NTRK2: variants seen among roughly 807,000 people sequenced by gnomAD.
NTRK2 encodes neurotrophic receptor tyrosine kinase 2.
In NTRK2, 13 loss-of-function variants were observed where a neutral mutation model predicts 94.5. The observed-to-expected ratio is 0.14, with a 90% CI of 0.09 to 0.22. The LOEUF is 0.22. NTRK2 is among the 10% of genes least tolerant of loss of function. NTRK2 has a pLI of 1.00. For missense variants in NTRK2, 639 were observed against 1,071.2 expected, an observed-to-expected ratio of 0.60 and a Z score of 5.63; for synonymous variants, 372 against 407.4, an observed-to-expected ratio of 0.91 and a Z score of 1.05.
At chr9:84,752,764 C>A (rs575505783) in intron 12 of NTRK2, among the ~76,000 whole-genome samples, 1 of 152,038 alleles carries the variant, frequency 6.6e-6, no homozygotes, top group Admixed American at 6.6e-5. Flanking sequence ...TGCCTTGGAG[C>A]AGTGATTTAA....
intron 17 of NTRK2, among the ~76,000 whole-genome samples, chr9:85,003,104 T>C (rs1830503924): frequency 6.6e-6 from 1 of 152,232 alleles, no homozygotes; most frequent in Non-Finnish European, 1.5e-5. Context: ...CCTATGGTTT[T>C]CCTTTAGAGT....
chr9:84,962,066 G>A (rs2133055243), intron 17 of NTRK2, among the ~76,000 whole-genome samples: 1 of 152,298 alleles, frequency 6.6e-6, no homozygotes, highest in Admixed American at 6.5e-5. Context: ...TTTTTGCCAT[G>A]CCAAAGACTT....
chr9:84,782,544 G>A (rs1398877883), intron 12 of NTRK2, among the ~76,000 whole-genome samples: 2 of 152,044 alleles, frequency 1.3e-5, no homozygotes, highest in Non-Finnish European at 1.5e-5. Context: ...CTTTGGAAAT[G>A]AAAAAAACAA....
At chr9:84,887,368 G>A (rs1308494117) in intron 14 of NTRK2, among the ~76,000 whole-genome samples, 1 of 152,100 alleles carries the variant, frequency 6.6e-6, no homozygotes, top group African/African-American at 2.4e-5. Context: ...TCTTCCATCA[G>A]CTTTTGTCCT....
At chr9:84,929,637 C>T (rs2077953046) in intron 14 of NTRK2, among the ~76,000 whole-genome samples, 1 of 151,858 alleles carries the variant, frequency 6.6e-6, no homozygotes, top group Non-Finnish European at 1.5e-5. Context: ...TCCCTGCTCA[C>T]TGCAACCTCT....
chr9:84,716,565 A>G (rs556751761), intron 6 of NTRK2, among the ~76,000 whole-genome samples: 3 of 152,200 alleles, frequency 2.0e-5, no homozygotes, highest in South Asian at 4.1e-4. Context: ...TGGAAGTTAG[A>G]GTGATATGAA....
intron 17 of NTRK2, among the ~76,000 whole-genome samples, chr9:84,998,396 T>G (rs1020435840): frequency 2.0e-4 from 30 of 152,124 alleles, no homozygotes; most frequent in Non-Finnish European, 3.5e-4. Context: ...CCGGCCCAGG[T>G]CTAAATCCCA....
At position 84,678,849 on chromosome 9, in the gene NTRK2, A is replaced by C. The variant is rs574453565; in HGVS notation, c.212+7889A>C. ...CACCCAAACTCAAAGAATGTTATAG[A>C]TGATATTGCTCCTTGGTTATTTCTT... On this transcript the variant is annotated intron_variant, in intron 2 of 18. Coordinates refer to ENST00000277120, the MANE Select transcript of NTRK2 (RefSeq NM_006180.6). Among the ~76,000 whole-genome samples the C allele has an allele frequency of 1.3e-3, 199 of 152,234 alleles. 3 individuals carry two copies. The highest frequency in any genetic ancestry group is 1.5e-3 in the Non-Finnish European group (102 of 68,044).
In NTRK2 at chr9:84,670,520, C is replaced by G. The variant is rs963434553; in HGVS notation, c.-229C>G. On this transcript the variant is annotated 5_prime_UTR_variant, in exon 2 of 19. Transcript: ENST00000277120. ...GGAGCTCCGAGCAGCGGTAGCGCCC[C>G]CCTGTAAAGCGGTTCGCTATGCCGG... 1 of 574,096 alleles carries G rather than the reference C, an allele frequency of 1.7e-6. No homozygotes were observed. 35.6% of individuals were successfully genotyped at this position (574,096 alleles called of 1,614,324 possible).
intron 12 of NTRK2, among the ~76,000 whole-genome samples, chr9:84,839,875 ACT>A (rs754511034): frequency 1.3e-5 from 2 of 152,018 alleles, no homozygotes; most frequent in African/African-American, 2.4e-5. Context: ...CGGATGAAGG[ACT>A]CTGGGAAGCT....
intron 14 of NTRK2, chr9:84,874,164 T>C: frequency 9.4e-7 from 1 of 1,065,042 alleles, no homozygotes; most frequent in East Asian, 5.0e-5. Flanking sequence ...TGGCCACTCT[T>C]GCATGTGCTA....
At chr9:84,821,058 C>T (rs2072782885) in intron 12 of NTRK2, among the ~76,000 whole-genome samples, 1 of 152,140 alleles carries the variant, frequency 6.6e-6, no homozygotes, top group South Asian at 2.1e-4. Context: ...TTCTTCTTGA[C>T]TTGGTGTAAA....
At chr9:84,808,270 G>A (rs2071357893) in intron 12 of NTRK2, among the ~76,000 whole-genome samples, 2 of 152,154 alleles carry the variant, frequency 1.3e-5, no homozygotes, top group Non-Finnish European at 2.9e-5. Context: ...CAGGAAAATA[G>A]CAGATAGAAA....
chr9:84,885,994 G>A (rs931783437), intron 14 of NTRK2, among the ~76,000 whole-genome samples: 6 of 151,958 alleles, frequency 3.9e-5, no homozygotes, highest in Non-Finnish European at 5.9e-5. Context: ...TTGCGCCACT[G>A]CACTCCAGCC....
At chr9:84,855,056 T>C (rs2074997352) in intron 12 of NTRK2, among the ~76,000 whole-genome samples, 1 of 148,768 alleles carries the variant, frequency 6.7e-6, no homozygotes. Context: ...GGCTGTTTCA[T>C]GGGGAATGAG....
At chr9:84,953,176 T>A (rs910176365) in intron 16 of NTRK2, among the ~76,000 whole-genome samples, 3 of 152,216 alleles carry the variant, frequency 2.0e-5, no homozygotes, top group African/African-American at 7.2e-5. Context: ...TTTAGTGAAG[T>A]GGAAAGGGCC....
Position 84,683,713 on chromosome 9 carries a change from G to A in NTRK2, c.212+12753G>A, listed in dbSNP as rs534355420. 3.3e-5 allele frequency among the ~76,000 whole-genome samples: 5 copies of A among 152,204 alleles called. No individual in the cohort carries two copies. In the East Asian group the frequency reaches 9.6e-4, roughly 29 times the overall value. On this transcript the variant is annotated intron_variant, in intron 2 of 18. Transcript: ENST00000277120. ...TCTTTGGGTATATACCCTTTAATGG[G>A]ATTGCTGGGTCAAATGGTATTTCTG...
chr9:85,012,588 A>G (rs1159245732), intron 17 of NTRK2, among the ~76,000 whole-genome samples: 3 of 152,186 alleles, frequency 2.0e-5, no homozygotes, highest in African/African-American at 7.2e-5. Context: ...CTTTGCAACA[A>G]TATTTTGAAG....
chr9:84,864,083 T>C (rs1231087536), intron 13 of NTRK2, among the ~76,000 whole-genome samples: 2 of 152,172 alleles, frequency 1.3e-5, no homozygotes, highest in Non-Finnish European at 2.9e-5. Context: ...GGCAGAAGAT[T>C]CAAAGTCTGA....
Sources: gnomAD v4.1 joint callset for allele counts (sites outside exome capture counted in the v4.1 genomes callset) on GRCh38, gnomAD v4.1.1 for gene constraint, MANE v1.5 for transcripts, NCBI Gene and HGNC (gene_info 2026-07-23, HGNC 2026-07-21) for gene names.